NELL1: variants seen among roughly 807,000 people sequenced by gnomAD.
NELL1 encodes the protein neural EGFL like 1.
NELL1 carries 76 observed loss-of-function variants against 107.4 expected under a neutral mutation model. The ratio of observed to expected loss-of-function variants is 0.71; its 90% CI spans 0.59 to 0.86. The LOEUF (loss-of-function observed/expected upper bound fraction) is 0.86. NELL1 is among the 40% of genes least tolerant of loss of function. NELL1 has a pLI of 0.00. For synonymous variants in NELL1, 353 were observed against 341.2 expected (o/e 1.03, Z -0.38); for missense variants, 1,024 against 1,005.5 (o/e 1.02, Z -0.25).
intron 15 of NELL1, among the ~76,000 whole-genome samples, chr11:21,441,330 CGTGTGTGTGTGTGTGTGTGT>C (rs201892977): frequency 6.4e-5 from 9 of 140,150 alleles, no homozygotes; most frequent in East Asian, 4.0e-4. Context: ...GAGGCTGTGA[CGTGTGTGTGTGTGTGTGTGT>C]GTGTGTGTGT....
rs144106949 is a variant in NELL1, at chr11:21,477,059, G to A, written c.1646-57315G>A. Among the ~76,000 whole-genome samples the A allele has an allele frequency of 3.4e-3, 515 of 152,254 alleles. 3 individuals carry two copies. Among genetic ancestry groups the A allele is most frequent in the African/African-American group, 0.012 (478 of 41,548 alleles). ...GACTGCAATTCCAGGGCAACTTCTT[G>A]TGCTTTGCTAGGCTCAGAGCAAGTG... On this transcript the variant is annotated intron_variant, in intron 15 of 19. Coordinates refer to ENST00000357134, the MANE Select transcript of NELL1 (RefSeq NM_006157.5).
intron 13 of NELL1, among the ~76,000 whole-genome samples, chr11:21,180,040 A>T (rs1404351508): frequency 9.1e-6 from 1 of 109,916 alleles, no homozygotes; most frequent in Non-Finnish European, 1.7e-5. Context: ...TTACACAAAG[A>T]GCTGGCTAGA....
chr11:20,878,364 A>G (rs908321763), intron 4 of NELL1, among the ~76,000 whole-genome samples: 19 of 151,294 alleles, frequency 1.3e-4, no homozygotes, highest in Admixed American at 1.1e-3. Flanking sequence ...GTCTCAAAAA[A>G]AAAAAAAAAA....
intron 14 of NELL1, among the ~76,000 whole-genome samples, chr11:21,333,203 G>C (rs1850310153): frequency 6.6e-6 from 1 of 151,982 alleles, no homozygotes; most frequent in Admixed American, 6.6e-5. Flanking sequence ...AGGATGTAAA[G>C]ACTAAAGGGC....
At chr11:20,971,103 TG>T (rs1851491691) in intron 12 of NELL1, among the ~76,000 whole-genome samples, 1 of 152,274 alleles carries the variant, frequency 6.6e-6, no homozygotes, top group South Asian at 2.1e-4. Flanking sequence ...CTCAGATACC[TG>T]GCATTTTTCC....
intron 12 of NELL1, among the ~76,000 whole-genome samples, chr11:20,995,619 T>A (rs1283271994): frequency 6.6e-6 from 1 of 152,088 alleles, no homozygotes; most frequent in African/African-American, 2.4e-5. Flanking sequence ...CATTTCTACA[T>A]CCCAGAAGAG....
intron 14 of NELL1, among the ~76,000 whole-genome samples, chr11:21,246,094 A>C (rs1858484024): frequency 6.6e-6 from 1 of 152,082 alleles, no homozygotes; most frequent in African/African-American, 2.4e-5. Flanking sequence ...CTGCAAGCCC[A>C]CCCATATGAC....
intron 14 of NELL1, among the ~76,000 whole-genome samples, chr11:21,230,962 T>C (rs1858032996): frequency 6.6e-6 from 1 of 152,180 alleles, no homozygotes; most frequent in Admixed American, 6.5e-5. Flanking sequence ...TTTGCAGCAC[T>C]GTTTATATTC....
chr11:21,259,327 G>A (rs1222946012), intron 14 of NELL1, among the ~76,000 whole-genome samples: 2 of 151,844 alleles, frequency 1.3e-5, no homozygotes, highest in African/African-American at 4.8e-5. Flanking sequence ...CTATAATTAG[G>A]GGGTCAGGGA....
chr11:21,035,322 A>G (rs527723114), intron 12 of NELL1, among the ~76,000 whole-genome samples: 2 of 152,184 alleles, frequency 1.3e-5, no homozygotes, highest in African/African-American at 4.8e-5. Context: ...TACTATTCCC[A>G]CTGAAACTAT....
chr11:21,488,635 C>G (rs1377018308), intron 15 of NELL1, among the ~76,000 whole-genome samples: 2 of 152,086 alleles, frequency 1.3e-5, no homozygotes, highest in Non-Finnish European at 2.9e-5. Flanking sequence ...CCAAGAGGAA[C>G]TTTGAAAAGT....
At chr11:21,511,837 G>A (rs1462080408) in intron 15 of NELL1, among the ~76,000 whole-genome samples, 1 of 152,144 alleles carries the variant, frequency 6.6e-6, no homozygotes, top group Non-Finnish European at 1.5e-5. Flanking sequence ...AGATCTTATA[G>A]GGAGTCATAA....
chr11:20,690,101 T>C (rs1172034420), intron 2 of NELL1, among the ~76,000 whole-genome samples: 1 of 152,238 alleles, frequency 6.6e-6, no homozygotes, highest in Non-Finnish European at 1.5e-5. Flanking sequence ...GAAGTGTCTG[T>C]TCATATCCTT....
intron 15 of NELL1, among the ~76,000 whole-genome samples, chr11:21,507,843 T>C (rs938265545): frequency 5.9e-5 from 9 of 151,628 alleles, no homozygotes; most frequent in Non-Finnish European, 1.3e-4. Flanking sequence ...TGCGGCGGCG[T>C]GATCTCAGCT....
At chr11:21,263,478 C>T (rs1004474368) in intron 14 of NELL1, among the ~76,000 whole-genome samples, 8 of 152,026 alleles carry the variant, frequency 5.3e-5, no homozygotes, top group Non-Finnish European at 8.8e-5. Flanking sequence ...AGCCATCTTT[C>T]AGCATTCTGA....
intron 14 of NELL1, among the ~76,000 whole-genome samples, chr11:21,325,745 T>C (rs913839819): frequency 7.2e-5 from 11 of 152,186 alleles, no homozygotes; most frequent in Admixed American, 3.3e-4. Flanking sequence ...AAATTATTAC[T>C]ATTATCTCAG....
chr11:21,072,566 T>C (rs906205084), intron 12 of NELL1, among the ~76,000 whole-genome samples: 18 of 152,176 alleles, frequency 1.2e-4, no homozygotes, highest in Non-Finnish European at 2.2e-4. Context: ...GTAACAATTC[T>C]TTATAGGGAT....
At position 20,928,964 on chromosome 11, in the gene NELL1, C is replaced by T. The variant is rs193184655; in HGVS notation, c.997+485C>T. ...AATTCAGTTAAAATACTGAAGCTGT[C>T]GTTTAGAACATGTGGTATGTTCCAT... On this transcript the variant is annotated intron_variant, in intron 9 of 19. Transcript: ENST00000357134. 3.6e-3 allele frequency among the ~76,000 whole-genome samples: 541 copies of T among 152,260 alleles called. 10 individuals are homozygous for T. Among genetic ancestry groups the T allele is most frequent in the Admixed American group, 0.032 (486 of 15,296 alleles).
Position 21,537,991 on chromosome 11 carries a change from C to T in NELL1, c.1786+3477C>T, listed in dbSNP as rs74719006. Among the ~76,000 whole-genome samples the T allele has an allele frequency of 8.3e-3, 1,259 of 152,206 alleles. 23 individuals carry two copies. The highest frequency in any genetic ancestry group is 0.029 in the African/African-American group (1,185 of 41,536). On this transcript the variant is annotated intron_variant, in intron 16 of 19. Transcript: ENST00000357134. ...AGTTCTTGAAGGATTAATGACCTGA[C>T]GTACTCTGGATCTTAATAACATAGC...
Sources: gnomAD v4.1 joint callset for allele counts (sites outside exome capture counted in the v4.1 genomes callset) on GRCh38, gnomAD v4.1.1 for gene constraint, MANE v1.5 for transcripts, NCBI Gene and HGNC (gene_info 2026-07-23, HGNC 2026-07-21) for gene names.